The following TENM3 variants were observed in gnomAD, a reference collection of about 807,000 sequenced individuals.
TENM3 encodes teneurin-3.
Under a neutral mutation model 255.1 loss-of-function variants are expected in TENM3, and 63 were observed. The observed-to-expected ratio is 0.25, with a 90% CI of 0.20 to 0.30. The LOEUF is 0.30. Ranked by LOEUF, TENM3 falls within the 10% of genes least tolerant of loss-of-function variation. The probability of loss-of-function intolerance (pLI) is 1.00; values close to 1 mark genes in which losing one functional copy is unlikely to be tolerated. For missense variants in TENM3, 2,929 were observed against 3,461.1 expected (o/e 0.85, Z 3.86); for synonymous variants, 1,306 against 1,322.3 (o/e 0.99, Z 0.27).
chr4:182,768,772 A>G (rs1763932453), intron 22 of TENM3, among the ~76,000 whole-genome samples: 1 of 152,220 alleles, frequency 6.6e-6, no homozygotes, highest in Non-Finnish European at 1.5e-5. Context: ...TTAAAGACCA[A>G]CAAACAGATA....
At chr4:181,826,248 T>C in the TENM3 span, among the ~76,000 whole-genome samples, 1 of 152,174 alleles carries the variant, frequency 6.6e-6, no homozygotes, top group African/African-American at 2.4e-5. Flanking sequence ...TCTGTAATTA[T>C]TTGATAACTA....
the TENM3 span, among the ~76,000 whole-genome samples, chr4:181,616,405 C>T: frequency 2.8e-5 from 4 of 145,448 alleles, no homozygotes; most frequent in African/African-American, 1.0e-4. Flanking sequence ...ATATATACCC[C>T]TATATATATA....
chr4:182,076,812 G>C, the TENM3 span, among the ~76,000 whole-genome samples: 1 of 152,150 alleles, frequency 6.6e-6, no homozygotes, highest in Non-Finnish European at 1.5e-5. Context: ...AAAAGCAGCC[G>C]TAGACGAGAT....
intron 3 of TENM3, among the ~76,000 whole-genome samples, chr4:182,547,933 C>T (rs555352561): frequency 6.6e-6 from 1 of 152,034 alleles, no homozygotes; most frequent in Admixed American, 6.5e-5. Flanking sequence ...AAAAAAATTC[C>T]AAGGCCAGGC....
intron 22 of TENM3, among the ~76,000 whole-genome samples, chr4:182,761,697 AG>A (rs1561214007): frequency 6.6e-6 from 1 of 152,214 alleles, no homozygotes; most frequent in Admixed American, 6.5e-5. Flanking sequence ...TCTTCATGAA[AG>A]AAAACATTTA....
the TENM3 span, among the ~76,000 whole-genome samples, chr4:181,577,305 T>G: frequency 6.7e-6 from 1 of 148,564 alleles, no homozygotes; most frequent in Non-Finnish European, 1.5e-5. Flanking sequence ...CCTCCCAAAG[T>G]GCCGGGATTA....
chr4:181,827,748 G>A, the TENM3 span, among the ~76,000 whole-genome samples: 9 of 152,152 alleles, frequency 5.9e-5, no homozygotes, highest in African/African-American at 1.2e-4. Flanking sequence ...TGAGGCAGTC[G>A]GAACCAGGTA....
At chr4:181,449,684 G>A in the TENM3 span, among the ~76,000 whole-genome samples, 8 of 152,140 alleles carry the variant, frequency 5.3e-5, no homozygotes, top group East Asian at 1.9e-4. Context: ...CTATTCAGGA[G>A]GCTGAGGCAG....
At chr4:181,586,554 C>G in the TENM3 span, among the ~76,000 whole-genome samples, 1 of 152,056 alleles carries the variant, frequency 6.6e-6, no homozygotes, top group Non-Finnish European at 1.5e-5. Context: ...AAAAACAAAA[C>G]CAAAGGGCCA....
At chr4:182,650,889 A>AAAAAAAATATATATATATATATAT (rs1281790163) in intron 5 of TENM3, among the ~76,000 whole-genome samples, 2 of 29,764 alleles carry the variant, frequency 6.7e-5, no homozygotes, top group South Asian at 8.8e-4. Flanking sequence ...AATAAAAAAA[A>AAAAAAAATATATATATATATATAT]ATATATATAT....
chr4:181,530,943 T>C, the TENM3 span, among the ~76,000 whole-genome samples: 16 of 152,194 alleles, frequency 1.1e-4, no homozygotes, highest in African/African-American at 3.6e-4. Context: ...AAATTAGAAG[T>C]TGGTTTCTGC....
the TENM3 span, among the ~76,000 whole-genome samples, chr4:181,847,687 T>C: frequency 6.6e-6 from 1 of 151,868 alleles, no homozygotes; most frequent in African/African-American, 2.4e-5. Flanking sequence ...TGTATAAATA[T>C]GTATTATATA....
intron 1 of TENM3, among the ~76,000 whole-genome samples, chr4:182,260,931 A>G (rs1261493188): frequency 2.0e-5 from 3 of 151,920 alleles, no homozygotes; most frequent in African/African-American, 7.3e-5. Flanking sequence ...GCTGGAGTGC[A>G]GAGGCGTGAT....
chr4:182,673,975 G>T (rs1187089629), intron 7 of TENM3, among the ~76,000 whole-genome samples: 1 of 152,052 alleles, frequency 6.6e-6, no homozygotes, highest in Non-Finnish European at 1.5e-5. Context: ...CTTAATATAG[G>T]TTTCATCATC....
the TENM3 span, among the ~76,000 whole-genome samples, chr4:181,520,657 G>GA: frequency 6.6e-6 from 1 of 151,662 alleles, no homozygotes; most frequent in Admixed American, 6.6e-5. Flanking sequence ...TAGCAGAGGT[G>GA]AAAAAAAATC....
At chr4:181,571,438 A>G in the TENM3 span, among the ~76,000 whole-genome samples, 1 of 152,096 alleles carries the variant, frequency 6.6e-6, no homozygotes, top group Non-Finnish European at 1.5e-5. Flanking sequence ...CTGTGCTCAA[A>G]TGATTCTCCC....
At chr4:182,460,663 A>G (rs928907255) in intron 3 of TENM3, among the ~76,000 whole-genome samples, 3 of 152,170 alleles carry the variant, frequency 2.0e-5, no homozygotes, top group East Asian at 1.9e-4. Flanking sequence ...ATTATTTCAT[A>G]TGCTATTTAA....
At chr4:182,726,154 G>A (rs905956457) in intron 13 of TENM3, among the ~76,000 whole-genome samples, 7 of 152,078 alleles carry the variant, frequency 4.6e-5, no homozygotes, top group African/African-American at 1.7e-4. Flanking sequence ...ATATTAGTGT[G>A]AAAAGAGTCC....
chr4:182,455,969 C>T (rs1773846801), intron 3 of TENM3, among the ~76,000 whole-genome samples: 1 of 152,192 alleles, frequency 6.6e-6, no homozygotes, highest in African/African-American at 2.4e-5. Flanking sequence ...GTTTACATTT[C>T]TGTCTCCCCC....
Sources: allele counts gnomAD v4.1 joint callset (sites outside exome capture counted in the v4.1 genomes callset), GRCh38; gene constraint gnomAD v4.1.1; transcripts MANE v1.5; gene names NCBI Gene and HGNC (gene_info 2026-07-23, HGNC 2026-07-21).